SCN4A: variants seen among roughly 807,000 people sequenced by gnomAD.
SCN4A encodes the protein sodium channel protein type 4 subunit alpha.
SCN4A carries 83 observed loss-of-function variants against 162.0 expected under a neutral mutation model. The ratio of observed to expected loss-of-function variants is 0.51; its 90% confidence interval spans 0.43 to 0.61. The LOEUF (loss-of-function observed/expected upper bound fraction) is 0.61, where lower values mean the gene tolerates loss of function less well. Among genes scored for constraint, SCN4A ranks in the 20% least tolerant of loss-of-function variants. SCN4A has a pLI of 0.00. For missense variants in SCN4A, 2,196 were observed against 2,462.5 expected (o/e 0.89, Z 2.29); for synonymous variants, 944 against 985.1 (o/e 0.96, Z 0.78).
intron 10 of SCN4A, 150 bp downstream of exon 10, chr17:63,963,522 G>A (rs1191959282): frequency 6.1e-6 from 4 of 651,590 alleles, no homozygotes; most frequent in Non-Finnish European, 9.6e-6. Context: ...TCCTGAAGCT[G>A]GTCCAGCCAG....
Position 63,968,145 on chromosome 17 carries a change from G to C in SCN4A, c.914C>G (p.Thr305Arg), listed in dbSNP as rs760275955. Residue 305 changes from threonine to arginine, a missense_variant, in exon 6 of 24, where the codon ACA (threonine) becomes AGA (arginine). By Grantham distance (71) the Thr-to-Arg change is moderately conservative (BLOSUM62 -1). Transcript: ENST00000435607. ...GTACCACATCTCATTGCCATACCAT[G>C]TGTCATTGCCGTACCACGTGTCATT... ...YSNDTWYGND[T>R]WYGNEMWYGN... 6.2e-7 allele frequency: 1 copy of C among 1,613,848 alleles called. No individual in the cohort carries two copies. The highest frequency in any genetic ancestry group is 1.7e-5 in the Admixed American group (1 of 60,006).
intron 9 of SCN4A, 149 bp from the exon 10 acceptor site, chr17:63,963,974 C>T (rs1317544180): frequency 1.7e-5 from 12 of 718,232 alleles, no homozygotes; most frequent in Non-Finnish European, 2.6e-5. Context: ...GGGGAGGGAC[C>T]AACCTCCATG....
rs181102307 is a variant in SCN4A, at chr17:63,949,523, C to T, written c.2859G>A (p.Pro953=). The part of the protein sequence containing the change: ...TFSEPEDSKK[P]PQPLYDGNSS... ...AGTTCCCATCATAGAGAGGCTGCGG[C>T]GGCTTCTGCGGAGGCCACAGGGTCA... Residue 953 remains proline, a synonymous_variant, in exon 15 of 24, where the codon CCG becomes CCA. Transcript: ENST00000435607. 54 of 1,605,670 alleles carry T rather than the reference C, an allele frequency of 3.4e-5. No homozygotes were observed. Among genetic ancestry groups the T allele is most frequent in the Middle Eastern group, 3.3e-4 (2 of 6,038 alleles).
rs564511679 is a variant in SCN4A at position 63,971,987 on chromosome 17, C to T, written c.483-137G>A. On this transcript the variant is annotated intron_variant, in intron 3 of 23. Transcript: ENST00000435607. Reference sequence around the variant, plus strand: ...GGCTAAGGACACTAGCGAGTGATAGCATGGCCACCCCAGGGACTCAAGGTG... The same window carrying T: ...GGCTAAGGACACTAGCGAGTGATAGTATGGCCACCCCAGGGACTCAAGGTG... 7 of 1,084,810 alleles carry T rather than the reference C, an allele frequency of 6.5e-6. No individual in the cohort carries two copies. The East Asian group carries it at 1.2e-4, about 19-fold the overall frequency. 67.2% of individuals were successfully genotyped at this position (1,084,810 alleles called of 1,614,324 possible).
Position 63,945,798 on chromosome 17 carries a change from G to A in SCN4A, c.3442-160C>T, listed in dbSNP as rs1038950034. Among the ~76,000 whole-genome samples, 3 of 151,808 alleles carry A rather than the reference G, an allele frequency of 2.0e-5. No homozygotes were observed. The highest frequency in any genetic ancestry group is 2.9e-5 in the Non-Finnish European group (2 of 67,882). On this transcript the variant is annotated intron_variant, in intron 18 of 23. Coordinates refer to ENST00000435607, the MANE Select transcript of SCN4A (RefSeq NM_000334.4). The surrounding 1 kb of genome is among the most constrained non-coding windows in gnomAD (Gnocchi z 4.4). ...TGCTGGGCTGTGTGTGTGCAGGTTG[G>A]GGGTGGTAAGGGGGAGGGGGAGGGA...
chr17:63,964,364 T>C (rs1909364576), intron 9 of SCN4A, 104 bp downstream of exon 9: 2 of 1,009,938 alleles, frequency 2.0e-6, no homozygotes, highest in African/African-American at 1.6e-5. Flanking sequence ...CCCCTACCCC[T>C]GTACCCTCCC....
Position 63,941,958 on chromosome 17 carries a change from C to G in SCN4A, c.4324G>C (p.Val1442Leu). ...ATCACACGGAACAGCGTGGGTGACA[C>G]GAAGTACTTCTGGATCAGGTCAGAG... is the stretch of plus-strand genomic sequence containing the variant. ...ALSDLIQKYF[V>L]SPTLFRVIRL... Residue 1442 changes from valine to leucine, a missense_variant, in exon 24 of 24, where the codon GTG becomes CTG. Val to Leu is a conservative substitution (Grantham distance 32). Transcript: ENST00000435607. The surrounding 1 kb of genome is among the most constrained non-coding windows in gnomAD (Gnocchi z 6.2). 1 of 1,593,540 alleles carries G rather than the reference C, an allele frequency of 6.3e-7. No individual in the cohort carries two copies. The highest frequency in any genetic ancestry group is 8.6e-7 in the Non-Finnish European group (1 of 1,166,746).
rs1330195662 is a variant in SCN4A at position 63,945,153 on chromosome 17, T to C, written c.3721-93A>G. 1.3e-5 allele frequency: 17 copies of C among 1,344,962 alleles called. No individual in the cohort carries two copies. In the East Asian group the frequency reaches 4.0e-4, roughly 31 times the overall value. The allele number at this position is 1,344,962 out of a possible 1,614,324, so 83.3% of individuals were successfully genotyped here. A position where few individuals can be genotyped will look rare whatever the true frequency, so the allele number is the denominator to read the frequency against. On this transcript the variant is annotated intron_variant, in intron 19 of 23. Coordinates refer to ENST00000435607, the MANE Select transcript of SCN4A (RefSeq NM_000334.4). This position sits in a 1 kb window ranked among gnomAD's most constrained non-coding sequence, Gnocchi z 4.4. ...TCCCCCACCCAACCTGGTCCTCCCCTGCCAGAGGCCGCCTGCCAGAGCCCC... is the reference window on the plus strand; with the variant it reads ...TCCCCCACCCAACCTGGTCCTCCCCCGCCAGAGGCCGCCTGCCAGAGCCCC...
In SCN4A at chr17:63,963,818, G is replaced by T. The variant is rs1320718499; in HGVS notation, c.1460C>A (p.Ala487Asp). Residue 487 changes from alanine to aspartate, a missense_variant, in exon 10 of 24, where the codon GCC becomes GAC. Physicochemically the swap from Ala to Asp is moderately radical, Grantham distance 126. Coordinates refer to ENST00000435607, the MANE Select transcript of SCN4A (RefSeq NM_000334.4). ...CTCCCCACCTTCCAGAGCTTGGGCG[G>T]CCTTGGCCTGTAGACCAGCAAGAGT... ...KHQEELEKAKAAQALEGGEAD... is the reference protein window; with the variant it reads ...KHQEELEKAKDAQALEGGEAD... The T allele has an allele frequency of 6.3e-7, 1 of 1,599,332 alleles. No homozygotes were observed. Among genetic ancestry groups the T allele is most frequent in the Admixed American group, 1.7e-5 (1 of 58,354 alleles).
At position 63,945,024 on chromosome 17, in the gene SCN4A, C is replaced by A; in HGVS notation, c.3757G>T (p.Ala1253Ser). ...CGACTCACCTCCCGGGAGTCCACGG[C>A]TGCATACATGATGTCCATCCAACCC... is the stretch of plus-strand genomic sequence containing the variant. ...FKGWMDIMYAAVDSREKEEQP... is the reference protein window; with the variant it reads ...FKGWMDIMYASVDSREKEEQP... Residue 1253 changes from alanine (A) to serine (S), a missense_variant, in exon 20 of 24, where the codon GCC becomes TCC. Transcript: ENST00000435607. This position sits in a 1 kb window ranked among gnomAD's most constrained non-coding sequence, Gnocchi z 4.4. The A allele has an allele frequency of 6.2e-7, 1 of 1,613,922 alleles. No individual in the cohort carries two copies. Among genetic ancestry groups the A allele is most frequent in the Non-Finnish European group, 8.5e-7 (1 of 1,179,856 alleles).
chr17:63,949,642 C>A (rs571609000), intron 14 of SCN4A, 114 bp from the exon 15 acceptor site: 43 of 1,221,016 alleles, frequency 3.5e-5, no homozygotes, highest in Non-Finnish European at 4.7e-5. Context: ...GAGGGAGGAG[C>A]AAACTCATCC....
In SCN4A at chr17:63,972,585, T is replaced by C. The variant is rs372641442; in HGVS notation, c.257A>G (p.Tyr86Cys). The stretch of plus-strand genomic sequence containing the variant: ...GGCCCAGACCTTCTTATTGCTGTAG[T>C]AGGGATCCAGGTCCTCCAGGGGGAT... ...IGIPLEDLDP[Y>C]YSNKKTFIVL... The change falls in exon 1 of 24, where the codon TAC becomes TGC. Residue 86 changes from tyrosine to cysteine, a missense_variant. By Grantham distance (194) the Tyr-to-Cys change is radical (BLOSUM62 -2). Transcript: ENST00000435607. This position sits in a 1 kb window ranked among gnomAD's most constrained non-coding sequence, Gnocchi z 4.3. 7 of 1,595,784 alleles carry C rather than the reference T, an allele frequency of 4.4e-6. No homozygotes were observed. Among genetic ancestry groups the C allele is most frequent in the Non-Finnish European group, 5.1e-6 (6 of 1,171,092 alleles).
intron 13 of SCN4A, among the ~76,000 whole-genome samples, chr17:63,954,352 G>A (rs888287534): frequency 1.3e-5 from 2 of 152,046 alleles, no homozygotes; most frequent in African/African-American, 2.4e-5. Context: ...CCACCAAAAC[G>A]CATTAGTCTT....
At position 63,941,999 on chromosome 17, in the gene SCN4A, G is replaced by C; in HGVS notation, c.4289-6C>G. 6.4e-7 allele frequency: 1 copy of C among 1,557,498 alleles called. No individual in the cohort carries two copies. The highest frequency in any genetic ancestry group is 2.3e-5 in the East Asian group (1 of 44,122). On this transcript the variant is annotated splice_polypyrimidine_tract_variant and splice_region_variant and intron_variant, in intron 23 of 23. Transcript: ENST00000435607. This position sits in a 1 kb window ranked among gnomAD's most constrained non-coding sequence, Gnocchi z 6.2. ...CAGGTCAGAGAGGGCAAGGCCTGCG[G>C]GGAGAAGCTAGTGAGGACGCTGCCA...
rs1598406187 is a variant in SCN4A, at chr17:63,944,220, A to C, written c.3913-370T>G. Reference sequence around the variant, plus strand: ...AGTGGCGCGATCTTGGCCCACTGCAACCTCCATCTCCTGGGTTTAAGCGAT... The same window carrying C: ...AGTGGCGCGATCTTGGCCCACTGCACCCTCCATCTCCTGGGTTTAAGCGAT... On this transcript the variant is annotated intron_variant, in intron 21 of 23. Coordinates refer to ENST00000435607, the MANE Select transcript of SCN4A (RefSeq NM_000334.4). This position sits in a 1 kb window ranked among gnomAD's most constrained non-coding sequence, Gnocchi z 4.3. Among the ~76,000 whole-genome samples the C allele has an allele frequency of 6.6e-6, 1 of 151,678 alleles. No individual in the cohort carries two copies. The highest frequency in any genetic ancestry group is 1.5e-5 in the Non-Finnish European group (1 of 67,916).
Position 63,951,740 on chromosome 17 carries a change from C to T in SCN4A, c.2537G>A (p.Gly846Asp). The change falls in exon 14 of 24, where the codon GGC (glycine) becomes GAC (aspartate). Residue 846 changes from glycine to aspartate, a missense_variant. Physicochemically the swap from Gly to Asp is moderately conservative, Grantham distance 94. Coordinates refer to ENST00000435607, the MANE Select transcript of SCN4A (RefSeq NM_000334.4). This position sits in a 1 kb window ranked among gnomAD's most constrained non-coding sequence, Gnocchi z 4.5. The stretch of plus-strand genomic sequence containing the variant: ...GATGTCCTTGGGGCTCAGGATCTTG[C>T]CATGCAGCAGCCCCAGGAGGAAGGC... ...AKAFLLGLLH[G>D]KILSPKDIML... 1 of 1,589,530 alleles carries T rather than the reference C, an allele frequency of 6.3e-7. No individual in the cohort carries two copies. Among genetic ancestry groups the T allele is most frequent in the South Asian group, 1.1e-5 (1 of 87,718 alleles).
rs899627353 is a variant in SCN4A at position 63,951,777 on chromosome 17, C to T, written c.2500G>A (p.Gly834Ser). 6.1e-5 allele frequency: 96 copies of T among 1,584,442 alleles called. No individual in the cohort carries two copies. The highest frequency in any genetic ancestry group is 1.1e-4 in the Admixed American group (6 of 55,172). ...CCCAGGAGGAAGGCCTTGGCAAAGC[C>T]GATGCCCAACTTGATGCGCCCGATG... ...IAIGRIKLGI[G>S]FAKAFLLGLL... The change falls in exon 14 of 24, where the codon GGC (glycine) becomes AGC (serine). Residue 834 changes from glycine (G) to serine (S), a missense_variant. Coordinates refer to ENST00000435607, the MANE Select transcript of SCN4A (RefSeq NM_000334.4). The surrounding 1 kb of genome is among the most constrained non-coding windows in gnomAD (Gnocchi z 4.5).
In SCN4A at chr17:63,943,189, CATGACAGAG is replaced by C. The variant is rs1018262832; in HGVS notation, c.4018-102_4018-94del. The C allele has an allele frequency of 1.6e-3, 1,824 of 1,111,334 alleles. 9 individuals carry two copies. The highest frequency in any genetic ancestry group is 2.9e-3 in the Middle Eastern group (13 of 4,558). The allele number at this position is 1,111,334 out of a possible 1,614,324, so 68.8% of individuals were successfully genotyped here. A position where few individuals can be genotyped will look rare whatever the true frequency, so the allele number is the denominator to read the frequency against. On this transcript the variant is annotated intron_variant, in intron 22 of 23. Transcript: ENST00000435607. ...CAGGAGGCACAGGATGGCACCACAGCATGACAGAGATGACAGAGATGACAGAGAGAGAGA... is the reference window on the plus strand; with the variant it reads ...CAGGAGGCACAGGATGGCACCACAGCATGACAGAGATGACAGAGAGAGAGA...
intron 18 of SCN4A, among the ~76,000 whole-genome samples, chr17:63,946,461 T>G (rs1170939968): frequency 3.5e-5 from 4 of 113,708 alleles, no homozygotes; most frequent in East Asian, 4.6e-4. Flanking sequence ...CCATTTTTCT[T>G]GCCCCCCCCC....
Sources: gnomAD v4.1 joint callset for allele counts (sites outside exome capture counted in the v4.1 genomes callset) on GRCh38, gnomAD v4.1.1 for gene constraint, Gnocchi (gnomAD v3.1) non-coding constraint, MANE v1.5 for transcripts, NCBI Gene and HGNC (gene_info 2026-07-23, HGNC 2026-07-21) for gene names.